The following CLN3 variants were observed in gnomAD, a reference collection of about 807,000 sequenced individuals.
CLN3 encodes the protein battenin.
A neutral mutation model predicts 60.7 loss-of-function variants in CLN3; 49 were observed. That is an observed-to-expected ratio of 0.81 (90% CI 0.64 to 1.02). The LOEUF (loss-of-function observed/expected upper bound fraction) is 1.02, where lower values mean the gene tolerates loss of function less well. Ranked by LOEUF, CLN3 falls within the 50% of genes least tolerant of loss-of-function variation. The pLI is 0.00. For synonymous variants in CLN3, 256 were observed against 245.8 expected, an observed-to-expected ratio of 1.04 and a Z score of -0.39; for missense variants, 516 against 557.4, an observed-to-expected ratio of 0.93 and a Z score of 0.75.
rs376907245 is a variant in CLN3, at chr16:28,477,848, G to A, written c.1086C>T (p.Asp362=). The change falls in exon 15 of 16, where the codon GAC becomes GAT. Residue 362 remains aspartate, a synonymous_variant. Transcript: ENST00000636147. The part of the protein sequence containing the change: ...QCLNLVFLLA[D]VWFGFLPSIY... ...TGCTTGGCAGAAAGCCGAACCACAC[G>A]TCTGCCAGCAGGAACACCAGGTTGA... The A allele has an allele frequency of 1.3e-5, 21 of 1,614,022 alleles. No individual in the cohort carries two copies. The East Asian group carries it at 2.2e-4, about 17-fold the overall frequency.
intron 5 of CLN3, 132 bp downstream of exon 5, chr16:28,488,459 G>A: frequency 1.3e-6 from 1 of 755,900 alleles, no homozygotes; most frequent in Middle Eastern, 3.0e-4. Flanking sequence ...ACAAGTGTGA[G>A]CCAGTGCGCC....
chr16:28,483,723 T>C (rs1384640211), intron 10 of CLN3, among the ~76,000 whole-genome samples: 20 of 68,308 alleles, frequency 2.9e-4, no homozygotes, highest in African/African-American at 6.7e-4. Context: ...CTTTTTTTTT[T>C]TTTTTTTTTT....
chr16:28,482,052 G>A (rs1596556234), intron 14 of CLN3, 53 bp downstream of exon 14: 2 of 1,415,716 alleles, frequency 1.4e-6, no homozygotes, highest in East Asian at 4.6e-5. Flanking sequence ...GGGAAGCTGG[G>A]AGCCAAGCTG....
intron 4 of CLN3, among the ~76,000 whole-genome samples, chr16:28,488,970 T>C (rs935964786): frequency 6.6e-6 from 1 of 152,188 alleles, no homozygotes; most frequent in African/African-American, 2.4e-5. Context: ...GGTGTGATCT[T>C]GGCTCATTGC....
chr16:28,470,091 A>G (rs1438393095), downstream of CLN3, among the ~76,000 whole-genome samples: 8 of 141,206 alleles, frequency 5.7e-5, no homozygotes, highest in Admixed American at 4.9e-4. Context: ...AGCTCACTGC[A>G]ACGTCCAGCT....
At chr16:28,483,277 A>C (rs1296282450) in intron 10 of CLN3, among the ~76,000 whole-genome samples, 1 of 151,314 alleles carries the variant, frequency 6.6e-6, no homozygotes, top group Non-Finnish European at 1.5e-5. Context: ...GCTGCAGTGC[A>C]GTGGTGCAAT....
chr16:28,480,852 A>G (rs1352411695), intron 14 of CLN3, among the ~76,000 whole-genome samples: 1 of 152,214 alleles, frequency 6.6e-6, no homozygotes, highest in African/African-American at 2.4e-5. Context: ...GTTGTAAGGA[A>G]GGGTGTTTGC....
chr16:28,473,844 GAAAAGATGCTCAGCATCATTA>G (rs2141689599), downstream of CLN3, among the ~76,000 whole-genome samples: 2 of 151,842 alleles, frequency 1.3e-5, 1 homozygote, highest in South Asian at 4.2e-4. Context: ...ATAAGGACAT[GAAAAGATGCTCAGCATCATTA>G]GTCACCAGGG....
chr16:28,491,907 C>T, intron 1 of CLN3, 72 bp from the exon 2 acceptor site: 1 of 1,042,644 alleles, frequency 9.6e-7, no homozygotes, highest in Non-Finnish European at 1.4e-6. Context: ...ACTCGCGCCC[C>T]GCGATCCATC....
chr16:28,482,603 C>T, intron 11 of CLN3, 23 bp downstream of exon 11: 6 of 1,614,180 alleles, frequency 3.7e-6, no homozygotes, highest in Non-Finnish European at 5.1e-6. Context: ...CCCACAGGGA[C>T]ATACCCCAGC....
intron 3 of CLN3, 55 bp downstream of exon 3, chr16:28,491,427 G>A (rs1596567523): frequency 6.3e-7 from 1 of 1,598,426 alleles, no homozygotes; most frequent in Non-Finnish European, 8.5e-7. Flanking sequence ...CCTTTCCTCC[G>A]GTCACTTCCC....
At chr16:28,489,064 G>T (rs1247308984) in intron 4 of CLN3, among the ~76,000 whole-genome samples, 1 of 152,092 alleles carries the variant, frequency 6.6e-6, no homozygotes, top group Non-Finnish European at 1.5e-5. Context: ...ACCACACCCA[G>T]GTAGTTTTTG....
chr16:28,487,626 C>T, intron 6 of CLN3, 36 bp downstream of exon 6: 1 of 1,603,270 alleles, frequency 6.2e-7, no homozygotes, highest in Non-Finnish European at 8.5e-7. Context: ...TTTCTCAGCT[C>T]CTGCCCACCC....
At chr16:28,481,258 C>T (rs1341215868) in intron 14 of CLN3, among the ~76,000 whole-genome samples, 2 of 151,956 alleles carry the variant, frequency 1.3e-5, no homozygotes, top group Non-Finnish European at 2.9e-5. Flanking sequence ...TACAGGTGTG[C>T]GCCACTGCAC....
At chr16:28,486,170 G>A (rs1328092326) in intron 9 of CLN3, among the ~76,000 whole-genome samples, 177 bp downstream of exon 9, 3 of 152,010 alleles carry the variant, frequency 2.0e-5, no homozygotes. Context: ...GCTAATTGTT[G>A]TATTTTTAGT....
chr16:28,487,322 G>A (rs1336584264), intron 7 of CLN3, 134 bp downstream of exon 7: 2 of 771,500 alleles, frequency 2.6e-6, no homozygotes, highest in Non-Finnish European at 4.6e-6. Context: ...ATCGCCTACT[G>A]CTGATAGCCC....
chr16:28,478,480 G>A (rs1054337230), intron 14 of CLN3, among the ~76,000 whole-genome samples: 2 of 151,620 alleles, frequency 1.3e-5, no homozygotes, highest in Non-Finnish European at 2.9e-5. Context: ...GTTGAGCATG[G>A]TGGCACGCAC....
At chr16:28,470,516 A>ACGGGGAC (rs1305451639), downstream of CLN3, 1 of 737,838 alleles carries the variant, frequency 1.4e-6, no homozygotes, top group Non-Finnish European at 2.0e-6. Context: ...AGGGAAGGGG[A>ACGGGGAC]CGGGGACCGG....
Position 28,477,436 on chromosome 16 carries a change from G to T in CLN3, c.*80C>A. 3 of 1,585,294 alleles carry T rather than the reference G, an allele frequency of 1.9e-6. No individual in the cohort carries two copies. Among genetic ancestry groups the T allele is most frequent in the Non-Finnish European group, 1.7e-6 (2 of 1,158,968 alleles). ...AGGCTGGGAGCACAGTTCATGGAGG[G>T]TCTCTGGGGTGGGCCTGGGTGTCTG... On this transcript the variant is annotated 3_prime_UTR_variant, in exon 16 of 16. Coordinates refer to ENST00000636147, the MANE Select transcript of CLN3 (RefSeq NM_001042432.2).
Sources: gnomAD v4.1 joint callset for allele counts (sites outside exome capture counted in the v4.1 genomes callset) on GRCh38, gnomAD v4.1.1 for gene constraint, MANE v1.5 for transcripts, NCBI Gene and HGNC (gene_info 2026-07-23, HGNC 2026-07-21) for gene names.